Variants in SEC14L2 observed in about 807,000 individuals in gnomAD.
The protein encoded by SEC14L2 is SEC14-like protein 2.
SEC14L2 carries 50 observed loss-of-function variants against 56.9 expected under a neutral mutation model. That is an observed-to-expected ratio of 0.88 (90% CI 0.70 to 1.11). The LOEUF is 1.11. SEC14L2 is among the 50% of genes most tolerant of loss of function. The pLI, the probability that SEC14L2 is intolerant of heterozygous loss-of-function variation, is 0.00. For synonymous variants in SEC14L2, 179 were observed against 188.5 expected (o/e 0.95, Z 0.41); for missense variants, 414 against 500.7 (o/e 0.83, Z 1.65).
chr22:30,398,790 G>A (rs1366703703), intron 1 of SEC14L2: 1 of 470,896 alleles, frequency 2.1e-6, no homozygotes, highest in Admixed American at 2.3e-5. Flanking sequence ...GGTGGAAAGA[G>A]TGTGTGCTCT....
Position 30,424,633 on chromosome 22 carries a change from G to A in SEC14L2, c.*2226G>A. On this transcript the variant is annotated 3_prime_UTR_variant, in exon 12 of 12. Coordinates refer to ENST00000615189, the MANE Select transcript of SEC14L2 (RefSeq NM_012429.5). ...GCTTAAGAGCTTGGTATAAGTAAGT[G>A]CTCGTCAATGTTGGCTACTCTCATT... 4.4e-6 allele frequency: 2 copies of A among 450,542 alleles called. No individual in the cohort carries two copies. The highest frequency in any genetic ancestry group is 3.1e-5 in the South Asian group (2 of 63,944). The allele number at this position is 450,542 out of a possible 1,614,324, so 27.9% of individuals were successfully genotyped here.
chr22:30,408,346 A>G (rs1209628480), intron 5 of SEC14L2, among the ~76,000 whole-genome samples: 1 of 152,160 alleles, frequency 6.6e-6, no homozygotes, highest in East Asian at 1.9e-4. Context: ...CTGTAATCCC[A>G]GCACTTTGGG....
chr22:30,417,724 G>C (rs1253691897), intron 11 of SEC14L2, among the ~76,000 whole-genome samples: 1 of 152,176 alleles, frequency 6.6e-6, no homozygotes, highest in Non-Finnish European at 1.5e-5. Context: ...ACAATGCCGG[G>C]AGATGGGAGA....
rs370128072 is a variant in SEC14L2 at position 30,416,416 on chromosome 22, G to A, written c.1081+13G>A. The A allele has an allele frequency of 6.2e-7, 1 of 1,614,106 alleles. No individual in the cohort carries two copies. The highest frequency in any genetic ancestry group is 8.5e-7 in the Non-Finnish European group (1 of 1,180,048). ...GATCCTGGCATCTGTAAGTATCTCT[G>A]CCTTGGCAATGCCTTGAAGCCCCAT... is the stretch of plus-strand genomic sequence containing the variant. On this transcript the variant is annotated intron_variant, in intron 11 of 11. Coordinates refer to ENST00000615189, the MANE Select transcript of SEC14L2 (RefSeq NM_012429.5).
intron 8 of SEC14L2, among the ~76,000 whole-genome samples, chr22:30,413,893 C>G (rs1446387208): frequency 6.6e-6 from 1 of 151,752 alleles, no homozygotes; most frequent in African/African-American, 2.4e-5. Flanking sequence ...GGCTGGAGTA[C>G]AGTGGCGTGA....
Position 30,407,803 on chromosome 22 carries a change from A to T in SEC14L2, c.423+200A>T, listed in dbSNP as rs111818524. 5.0e-3 allele frequency among the ~76,000 whole-genome samples: 766 copies of T among 151,760 alleles called. 3 individuals are homozygous for T. Among genetic ancestry groups the T allele is most frequent in the African/African-American group, 0.018 (728 of 41,334 alleles). ...AGGCTGGTCTTGAACTCCTGACCTC[A>T]AGTGATCCACCCACCTCGGACTCCC... On this transcript the variant is annotated intron_variant, in intron 5 of 11. Coordinates refer to ENST00000615189, the MANE Select transcript of SEC14L2 (RefSeq NM_012429.5).
chr22:30,418,216 C>G (rs1328588829), intron 11 of SEC14L2, among the ~76,000 whole-genome samples: 1 of 152,060 alleles, frequency 6.6e-6, no homozygotes, highest in Non-Finnish European at 1.5e-5. Flanking sequence ...CCATGCCCAG[C>G]CTTGAATTAT....
At chr22:30,420,710 G>A (rs931542463) in intron 11 of SEC14L2, 6 of 152,188 alleles carry the variant, frequency 3.9e-5, no homozygotes, top group Non-Finnish European at 8.8e-5. Context: ...TTTGTCCAGG[G>A]TCAGGAAAAG....
chr22:30,399,129 C>T (rs1933844970), intron 1 of SEC14L2, among the ~76,000 whole-genome samples: 1 of 152,070 alleles, frequency 6.6e-6, no homozygotes, highest in Non-Finnish European at 1.5e-5. Flanking sequence ...TCCCTTCCCA[C>T]TTCCTGCCCT....
chr22:30,406,403 G>C lies in SEC14L2; in HGVS notation c.174+18G>C, dbSNP rs777912264. ...TCCGGAAGGTGAGACACATTTGGCT[G>C]TTGCTTCAGTTCCTCCCCATCAGAA... On this transcript the variant is annotated intron_variant, in intron 3 of 11. Coordinates refer to ENST00000615189, the MANE Select transcript of SEC14L2 (RefSeq NM_012429.5). 5 of 1,613,516 alleles carry C rather than the reference G, an allele frequency of 3.1e-6. No homozygotes were observed. The Admixed American group carries it at 6.7e-5, about 22-fold the overall frequency.
chr22:30,416,899 T>C (rs1421981604), intron 11 of SEC14L2: 7 of 991,686 alleles, frequency 7.1e-6, no homozygotes, highest in Non-Finnish European at 8.4e-6. Flanking sequence ...AATATAAGAA[T>C]GGGAAACAGA....
chr22:30,407,340 C>T, intron 4 of SEC14L2, 75 bp from the exon 5 acceptor site: 1 of 1,541,184 alleles, frequency 6.5e-7, no homozygotes, highest in Admixed American at 1.7e-5. Flanking sequence ...ACTGATGAAC[C>T]TGGAGTAAGG....
intron 11 of SEC14L2, chr22:30,421,024 C>A (rs1197543338): frequency 6.6e-6 from 1 of 152,136 alleles, no homozygotes; most frequent in Non-Finnish European, 1.5e-5. Flanking sequence ...TTACATGTTT[C>A]CATAATAAAC....
intron 3 of SEC14L2, 61 bp from the exon 4 acceptor site, chr22:30,407,034 G>A: frequency 6.4e-7 from 1 of 1,563,264 alleles, no homozygotes. Context: ...TTACAGGTGT[G>A]AACCACCATG....
chr22:30,422,251 T>TC, intron 11 of SEC14L2, 26 bp from the exon 12 acceptor site: 2 of 1,613,500 alleles, frequency 1.2e-6, no homozygotes, highest in Non-Finnish European at 1.7e-6. Flanking sequence ...TGCCTGAATG[T>TC]CTGTCTGGTT....
At chr22:30,412,916 G>A (rs2146031907) in intron 8 of SEC14L2, among the ~76,000 whole-genome samples, 1 of 152,122 alleles carries the variant, frequency 6.6e-6, no homozygotes, top group African/African-American at 2.4e-5. Context: ...GATGTAGGAA[G>A]TAAGGGAGAA....
Position 30,422,516 on chromosome 22 carries a change from G to A in SEC14L2, c.*109G>A, listed in dbSNP as rs74546369. 1,594 of 1,397,722 alleles carry A rather than the reference G, an allele frequency of 1.1e-3. 12 individuals are homozygous for A. In the East Asian group the frequency reaches 0.018, roughly 16 times the overall value. 86.6% of individuals were successfully genotyped at this position (1,397,722 alleles called of 1,614,324 possible). A position where few individuals can be genotyped will look rare whatever the true frequency, so the allele number is the denominator to read the frequency against. On this transcript the variant is annotated 3_prime_UTR_variant, in exon 12 of 12. Coordinates refer to ENST00000615189, the MANE Select transcript of SEC14L2 (RefSeq NM_012429.5). ...TGAAGCCCAAAGAAACTGGGCTGGA[G>A]GACAGACCTCAGGAGCTTTCATTTC... is the stretch of plus-strand genomic sequence containing the variant.
At chr22:30,415,219 G>A (rs1934356062) in intron 8 of SEC14L2, among the ~76,000 whole-genome samples, 1 of 152,134 alleles carries the variant, frequency 6.6e-6, no homozygotes, top group Non-Finnish European at 1.5e-5. Context: ...ATCATCTGAG[G>A]TCAGGAGTTC....
At chr22:30,401,743 G>C (rs984066909) in intron 2 of SEC14L2, among the ~76,000 whole-genome samples, 1 of 149,100 alleles carries the variant, frequency 6.7e-6, no homozygotes, top group Non-Finnish European at 1.5e-5. Flanking sequence ...GCCTGGTCTC[G>C]AATTCCTGAC....
Sources: allele counts gnomAD v4.1 joint callset (sites outside exome capture counted in the v4.1 genomes callset), GRCh38; gene constraint gnomAD v4.1.1; transcripts MANE v1.5; gene names NCBI Gene and HGNC (gene_info 2026-07-23, HGNC 2026-07-21).